KAZN: variants seen among roughly 807,000 people sequenced by gnomAD.
KAZN encodes the protein kazrin, periplakin interacting protein, also known as kazrin.
A neutral mutation model predicts 87.4 loss-of-function variants in KAZN; 40 were observed. The observed-to-expected ratio is 0.46, with a 90% CI of 0.36 to 0.60. The LOEUF (loss-of-function observed/expected upper bound fraction) is 0.60, where lower values mean the gene tolerates loss of function less well. Among genes scored for constraint, KAZN ranks in the 20% least tolerant of loss-of-function variants. The pLI is 0.00. For missense variants in KAZN, 898 were observed against 1,073.9 expected (o/e 0.84, Z 2.29); for synonymous variants, 466 against 458.3 (o/e 1.02, Z -0.22).
chr1:14,956,495 A>T (rs1663126796), intron 1 of KAZN, among the ~76,000 whole-genome samples: 1 of 151,764 alleles, frequency 6.6e-6, no homozygotes, highest in Non-Finnish European at 1.5e-5. Flanking sequence ...AATCCCAGCT[A>T]CTCAGGAGGC....
chr1:14,875,476 A>G (rs1261051742), intron 1 of KAZN, among the ~76,000 whole-genome samples: 1 of 137,570 alleles, frequency 7.3e-6, no homozygotes, highest in Non-Finnish European at 1.6e-5. Flanking sequence ...ATTGTCCTTA[A>G]TTTATTAAAA....
At chr1:15,031,624 G>A (rs1671716238) in intron 2 of KAZN, among the ~76,000 whole-genome samples, 1 of 129,384 alleles carries the variant, frequency 7.7e-6, no homozygotes, top group Non-Finnish European at 1.7e-5. Context: ...TGGTTTTAGA[G>A]ACTGGATCTT....
chr1:14,714,620 C>T (rs572278123), intron 1 of KAZN, among the ~76,000 whole-genome samples: 2 of 152,082 alleles, frequency 1.3e-5, no homozygotes, highest in Admixed American at 1.3e-4. Context: ...CTCCTGAAGG[C>T]TGTCATGGTC....
chr1:13,927,663 A>G (rs1640337535), intron 1 of KAZN, among the ~76,000 whole-genome samples: 1 of 151,586 alleles, frequency 6.6e-6, no homozygotes, highest in Non-Finnish European at 1.5e-5. Context: ...CATGGAAAAT[A>G]CAGTGGATGC....
intron 1 of KAZN, among the ~76,000 whole-genome samples, chr1:14,952,591 G>A (rs1418414103): frequency 6.6e-6 from 1 of 152,082 alleles, no homozygotes; most frequent in Admixed American, 6.5e-5. Flanking sequence ...GCGTGAGGCT[G>A]TTGATCAGGG....
intron 1 of KAZN, among the ~76,000 whole-genome samples, chr1:14,715,858 G>A (rs1439659798): frequency 1.3e-5 from 2 of 152,150 alleles, no homozygotes; most frequent in Non-Finnish European, 2.9e-5. Flanking sequence ...CGCAGGCCGC[G>A]GTGGTTGACA....
intron 1 of KAZN, among the ~76,000 whole-genome samples, chr1:14,948,883 A>C (rs1348718455): frequency 6.6e-6 from 1 of 152,120 alleles, no homozygotes; most frequent in Non-Finnish European, 1.5e-5. Flanking sequence ...TAGGCCAGTC[A>C]TGGTGGCTCA....
At chr1:14,818,655 C>G (rs905602707) in intron 1 of KAZN, among the ~76,000 whole-genome samples, 5 of 152,144 alleles carry the variant, frequency 3.3e-5, no homozygotes, top group African/African-American at 1.2e-4. Flanking sequence ...TGGCCAAACC[C>G]AAATGGAGGC....
chr1:15,031,430 G>A (rs1270772819), intron 2 of KAZN, among the ~76,000 whole-genome samples: 1 of 152,238 alleles, frequency 6.6e-6, no homozygotes, highest in Non-Finnish European at 1.5e-5. Flanking sequence ...GGCAAAGGCC[G>A]TGGAGCCCAC....
chr1:14,335,103 G>C (rs911206858), intron 2 of KAZN, among the ~76,000 whole-genome samples: 1 of 118,016 alleles, frequency 8.5e-6, no homozygotes, highest in Admixed American at 1.0e-4. Flanking sequence ...TGAATGACTC[G>C]GTGCCCCCCC....
intron 1 of KAZN, among the ~76,000 whole-genome samples, chr1:14,102,600 C>T (rs927208596): frequency 2.0e-5 from 3 of 152,182 alleles, no homozygotes; most frequent in Non-Finnish European, 4.4e-5. Context: ...TTCACAGTCC[C>T]TTTTTGCAGC....
At chr1:14,340,115 A>G (rs1571338879) in intron 2 of KAZN, among the ~76,000 whole-genome samples, 1 of 150,270 alleles carries the variant, frequency 6.7e-6, no homozygotes, top group East Asian at 1.9e-4. Flanking sequence ...AACAGAGTGA[A>G]GGGTCTTCCA....
At chr1:14,652,494 T>TCCATCCACCCACCCACCCAC (rs1638464798) in intron 1 of KAZN, among the ~76,000 whole-genome samples, 1 of 63,822 alleles carries the variant, frequency 1.6e-5, no homozygotes, top group Non-Finnish European at 3.0e-5. Context: ...CATCCACCTA[T>TCCATCCACCCACCCACCCAC]CCACCTATCT....
chr1:14,066,803 G>A (rs565589165), intron 1 of KAZN, among the ~76,000 whole-genome samples: 2 of 152,290 alleles, frequency 1.3e-5, no homozygotes, highest in South Asian at 4.1e-4. Context: ...TCTGCCATCT[G>A]TACACAAATG....
At chr1:14,566,761 C>A (rs1374910276) in intron 2 of KAZN, among the ~76,000 whole-genome samples, 1 of 152,158 alleles carries the variant, frequency 6.6e-6, no homozygotes, top group African/African-American at 2.4e-5. Context: ...TTCCTTAAAT[C>A]TCATGAACAA....
chr1:14,667,338 C>T (rs1350540700), intron 1 of KAZN, among the ~76,000 whole-genome samples: 3 of 152,158 alleles, frequency 2.0e-5, no homozygotes, highest in East Asian at 3.9e-4. Flanking sequence ...GAAGGGTTCA[C>T]GTCACCTTGA....
intron 1 of KAZN, among the ~76,000 whole-genome samples, chr1:13,906,384 G>A (rs746942522): frequency 2.6e-5 from 4 of 152,166 alleles, no homozygotes; most frequent in Non-Finnish European, 4.4e-5. Context: ...TCCTGGGGGC[G>A]GGCTTCGTTT....
chr1:14,689,725 G>A (rs558604014), intron 1 of KAZN, among the ~76,000 whole-genome samples: 11 of 152,372 alleles, frequency 7.2e-5, no homozygotes, highest in South Asian at 4.1e-4. Context: ...AAGGGGCTGC[G>A]AAGCTAGAGA....
chr1:14,337,527 C>G (rs977845603), intron 2 of KAZN, among the ~76,000 whole-genome samples: 1 of 152,176 alleles, frequency 6.6e-6, no homozygotes, highest in Non-Finnish European at 1.5e-5. Flanking sequence ...AATCTGAAAT[C>G]CCTAAAATTG....
Sources: gnomAD v4.1 joint callset for allele counts (sites outside exome capture counted in the v4.1 genomes callset) on GRCh38, gnomAD v4.1.1 for gene constraint, MANE v1.5 for transcripts, NCBI Gene and HGNC (gene_info 2026-07-23, HGNC 2026-07-21) for gene names.